B3GALT1: variants seen among roughly 807,000 people sequenced by gnomAD.
The protein encoded by B3GALT1 is beta-1,3-galactosyltransferase 1.
B3GALT1 carries 10 observed loss-of-function variants against 23.2 expected under a neutral mutation model. The ratio of observed to expected loss-of-function variants is 0.43; its 90% CI spans 0.27 to 0.73. The LOEUF is 0.73. B3GALT1 is among the 30% of genes least tolerant of loss of function. B3GALT1 has a pLI of 0.21. For missense variants in B3GALT1, 299 were observed against 405.4 expected, an observed-to-expected ratio of 0.74 and a Z score of 2.25; for synonymous variants, 156 against 141.5, an observed-to-expected ratio of 1.10 and a Z score of -0.73.
At chr2:167,817,510 C>T (rs991395128) in intron 3 of B3GALT1, among the ~76,000 whole-genome samples, 5 of 152,174 alleles carry the variant, frequency 3.3e-5, no homozygotes, top group Non-Finnish European at 7.3e-5. Flanking sequence ...GAGTCAGTCT[C>T]TAAACCCAAC....
intron 1 of B3GALT1, among the ~76,000 whole-genome samples, chr2:167,339,051 A>G (rs990479588): frequency 4.6e-5 from 7 of 152,276 alleles, no homozygotes; most frequent in Admixed American, 4.6e-4. Context: ...CTTGGAGAAC[A>G]GTTTGCTCAA....
chr2:167,589,433 A>G (rs1028192192), intron 2 of B3GALT1, among the ~76,000 whole-genome samples: 10 of 152,174 alleles, frequency 6.6e-5, no homozygotes, highest in South Asian at 2.1e-4. Flanking sequence ...AACATTATTT[A>G]TAATTATTCT....
intron 4 of B3GALT1, among the ~76,000 whole-genome samples, chr2:167,860,882 A>G (rs1230728877): frequency 6.8e-6 from 1 of 146,764 alleles, no homozygotes; most frequent in African/African-American, 2.5e-5. Flanking sequence ...TTTTTTTTTC[A>G]TCTAAAAATA....
intron 4 of B3GALT1, among the ~76,000 whole-genome samples, chr2:167,867,074 C>T (rs537547826): frequency 1.3e-5 from 2 of 152,202 alleles, no homozygotes; most frequent in East Asian, 1.9e-4. Context: ...CTACAGGCAC[C>T]CGCCACTACG....
intron 1 of B3GALT1, among the ~76,000 whole-genome samples, chr2:167,390,693 A>G (rs1479595952): frequency 6.6e-6 from 1 of 152,110 alleles, no homozygotes; most frequent in Non-Finnish European, 1.5e-5. Flanking sequence ...GTACTTATTT[A>G]TTTAATGTTT....
intron 1 of B3GALT1, among the ~76,000 whole-genome samples, chr2:167,349,937 C>T (rs916889653): frequency 6.6e-6 from 1 of 151,952 alleles, no homozygotes; most frequent in Non-Finnish European, 1.5e-5. Flanking sequence ...AATGTAACCC[C>T]AATCAATATA....
chr2:167,323,286 A>G (rs1243922932), intron 1 of B3GALT1, among the ~76,000 whole-genome samples: 1 of 152,078 alleles, frequency 6.6e-6, no homozygotes, highest in African/African-American at 2.4e-5. Flanking sequence ...GATATACGAA[A>G]AATTCATTTT....
intron 2 of B3GALT1, among the ~76,000 whole-genome samples, chr2:167,623,391 T>C (rs1279371247): frequency 1.3e-5 from 2 of 152,114 alleles, no homozygotes; most frequent in African/African-American, 4.8e-5. Flanking sequence ...AAAGAAAATG[T>C]GGCACATATA....
chr2:167,427,115 T>A (rs2105305215), intron 1 of B3GALT1, among the ~76,000 whole-genome samples: 1 of 152,308 alleles, frequency 6.6e-6, no homozygotes, highest in Non-Finnish European at 1.5e-5. Context: ...TATGATTTAA[T>A]TTATCCAAAG....
At chr2:167,686,229 G>A (rs1045285884) in intron 3 of B3GALT1, among the ~76,000 whole-genome samples, 1 of 152,134 alleles carries the variant, frequency 6.6e-6, no homozygotes, top group African/African-American at 2.4e-5. Flanking sequence ...ACAAAATCAT[G>A]TGCCACATTC....
chr2:167,753,530 G>A (rs773456863), intron 3 of B3GALT1, among the ~76,000 whole-genome samples: 1 of 152,102 alleles, frequency 6.6e-6, no homozygotes, highest in Non-Finnish European at 1.5e-5. Context: ...ATTTCTGGGA[G>A]CTCTTGTGTC....
At chr2:167,312,951 A>G (rs550483371) in intron 1 of B3GALT1, among the ~76,000 whole-genome samples, 11 of 152,218 alleles carry the variant, frequency 7.2e-5, no homozygotes, top group African/African-American at 2.6e-4. Flanking sequence ...TAAAAATACT[A>G]CAAAGAAGGG....
chr2:167,763,504 T>A (rs1360835719), intron 3 of B3GALT1, among the ~76,000 whole-genome samples: 1 of 151,962 alleles, frequency 6.6e-6, no homozygotes, highest in Non-Finnish European at 1.5e-5. Context: ...TAGAGCCTCC[T>A]CTATGTCCAA....
chr2:167,785,890 G>A (rs575000924), intron 3 of B3GALT1, among the ~76,000 whole-genome samples: 1 of 152,292 alleles, frequency 6.6e-6, no homozygotes, highest in Admixed American at 6.5e-5. Flanking sequence ...GGTTGACAAA[G>A]CTCTGTTCAC....
intron 2 of B3GALT1, among the ~76,000 whole-genome samples, chr2:167,534,458 G>T (rs928644805): frequency 6.6e-6 from 1 of 152,040 alleles, no homozygotes; most frequent in Admixed American, 6.6e-5. Context: ...ATTTGTTCAC[G>T]GTTTGCCCTG....
Position 167,305,326 on chromosome 2 carries a change from T to G in B3GALT1, c.-511+11992T>G, listed in dbSNP as rs374515193. On this transcript the variant is annotated intron_variant, in intron 1 of 4. Transcript: ENST00000392690. The stretch of plus-strand genomic sequence containing the variant: ...AGTTTACAAGAGCTTCCTCATTCAT[T>G]TTCTCAACTCCATCATATTACCTTT... Among the ~76,000 whole-genome samples the G allele has an allele frequency of 1.8e-4, 28 of 152,306 alleles. 1 individual carries two copies. Among genetic ancestry groups the G allele is most frequent in the African/African-American group, 6.3e-4 (26 of 41,576 alleles).
Position 167,869,871 on chromosome 2 carries a change from C to A in B3GALT1, c.832C>A (p.His278Asn). The A allele has an allele frequency of 6.2e-7, 1 of 1,614,196 alleles. No individual in the cohort carries two copies. The highest frequency in any genetic ancestry group is 1.1e-5 in the South Asian group (1 of 91,078). The change falls in exon 5 of 5, where the codon CAT (histidine) becomes AAT (asparagine). Residue 278 changes from histidine to asparagine, a missense_variant. Around this residue, in one of 3 missense-constraint regions of B3GALT1, gnomAD observed 133 missense variants for 204.8 expected, o/e 0.65. Transcript: ENST00000392690. The surrounding 1 kb of genome is among the most constrained non-coding windows in gnomAD (Gnocchi z 6.4). ...ACTGTGTCTTCGAAAGCTGGGCATA[C>A]ATCCTTTCCAGAACAGTGGCTTCAA... ...VGLCLRKLGI[H>N]PFQNSGFNHW...
intron 1 of B3GALT1, among the ~76,000 whole-genome samples, chr2:167,479,408 CT>C (rs1260095564): frequency 6.6e-6 from 1 of 152,084 alleles, no homozygotes; most frequent in African/African-American, 2.4e-5. Flanking sequence ...ACAATCTCTT[CT>C]CCTCCCTGTT....
At chr2:167,717,163 A>T (rs1429716889) in intron 3 of B3GALT1, among the ~76,000 whole-genome samples, 1 of 151,064 alleles carries the variant, frequency 6.6e-6, no homozygotes, top group African/African-American at 2.4e-5. Context: ...CTTTATATTG[A>T]TCATAGATAT....
Sources: gnomAD v4.1 joint callset for allele counts (sites outside exome capture counted in the v4.1 genomes callset) on GRCh38, gnomAD v4.1.1 for gene constraint, gnomAD v4.1.1 regional missense constraint, Gnocchi (gnomAD v3.1) non-coding constraint, MANE v1.5 for transcripts, NCBI Gene and HGNC (gene_info 2026-07-23, HGNC 2026-07-21) for gene names.